The following TOP6BL variants were observed in gnomAD, a reference collection of about 807,000 sequenced individuals.
The protein encoded by TOP6BL is TOP6B like initiator of meiotic double strand breaks.
the TOP6BL span, among the ~76,000 whole-genome samples, chr11:66,799,755 G>C: frequency 2.6e-5 from 4 of 151,340 alleles, no homozygotes; most frequent in African/African-American, 9.7e-5. Context: ...AGGTTCATCC[G>C]TGTCACAAAT....
the TOP6BL span, among the ~76,000 whole-genome samples, chr11:66,795,223 A>G: frequency 1.3e-5 from 2 of 152,060 alleles, no homozygotes; most frequent in African/African-American, 4.8e-5. Flanking sequence ...TAGCAACTGC[A>G]CAACACTTGT....
chr11:66,824,850 T>C, the TOP6BL span, among the ~76,000 whole-genome samples: 2 of 152,060 alleles, frequency 1.3e-5, no homozygotes, highest in African/African-American at 4.8e-5. Context: ...CTATCATTGT[T>C]GGATATTTGG....
the TOP6BL span, among the ~76,000 whole-genome samples, chr11:66,825,783 G>C: frequency 5.9e-5 from 9 of 151,730 alleles, no homozygotes; most frequent in Non-Finnish European, 1.3e-4. Context: ...CTTCCTTTAG[G>C]AATGTGTGCT....
chr11:66,796,708 A>G, the TOP6BL span, among the ~76,000 whole-genome samples: 22 of 151,176 alleles, frequency 1.5e-4, no homozygotes, highest in African/African-American at 5.1e-4. Flanking sequence ...GCTTGAGCCC[A>G]GGAGGTTGAG....
At chr11:66,801,187 A>G in the TOP6BL span, 3 of 1,426,106 alleles carry the variant, frequency 2.1e-6, no homozygotes, top group South Asian at 2.4e-5. Flanking sequence ...AAATTGTCTC[A>G]CTTGTCATTT....
At chr11:66,836,769 C>T in the TOP6BL span, among the ~76,000 whole-genome samples, 1 of 140,424 alleles carries the variant, frequency 7.1e-6, no homozygotes, top group Admixed American at 7.4e-5. Flanking sequence ...GGAGCATTCT[C>T]AGCTCACTGC....
chr11:66,750,570 G>A, the TOP6BL span, among the ~76,000 whole-genome samples: 2 of 151,126 alleles, frequency 1.3e-5, no homozygotes, highest in Non-Finnish European at 2.9e-5. Flanking sequence ...CAAAAAACCC[G>A]ACAGTACCCT....
the TOP6BL span, among the ~76,000 whole-genome samples, chr11:66,809,261 G>A: frequency 3.3e-5 from 5 of 152,168 alleles, no homozygotes; most frequent in African/African-American, 1.2e-4. Flanking sequence ...AAATCAGTCA[G>A]GAGGACAAAT....
At chr11:66,768,357 G>A in the TOP6BL span, among the ~76,000 whole-genome samples, 1 of 151,720 alleles carries the variant, frequency 6.6e-6, no homozygotes, top group South Asian at 2.1e-4. Flanking sequence ...TTTATCTAAC[G>A]CTTTTTCCCC....
the TOP6BL span, among the ~76,000 whole-genome samples, chr11:66,749,415 AT>A: frequency 6.6e-6 from 1 of 152,110 alleles, no homozygotes; most frequent in Non-Finnish European, 1.5e-5. Flanking sequence ...AGCAAGGTTG[AT>A]TTAATTCAAA....
At chr11:66,824,420 TTTATTATTATTATTA>T in the TOP6BL span, among the ~76,000 whole-genome samples, 396 of 140,748 alleles carry the variant, frequency 2.8e-3, 1 homozygote, top group Middle Eastern at 0.025. Context: ...TAATTTTGTA[TTTATTATTATTATTA>T]TTATTATTAT....
chr11:66,750,630 A>G, the TOP6BL span, among the ~76,000 whole-genome samples: 8 of 151,858 alleles, frequency 5.3e-5, no homozygotes, highest in Non-Finnish European at 1.0e-4. Flanking sequence ...CCTAGAGGCT[A>G]ATACTTTTAA....
chr11:66,779,986 A>C, the TOP6BL span, among the ~76,000 whole-genome samples: 1 of 130,252 alleles, frequency 7.7e-6, no homozygotes, highest in Non-Finnish European at 1.6e-5. Flanking sequence ...CAGGAAGGGG[A>C]ACATCACACA....
the TOP6BL span, among the ~76,000 whole-genome samples, chr11:66,755,865 C>T: frequency 6.6e-6 from 1 of 152,186 alleles, no homozygotes; most frequent in Non-Finnish European, 1.5e-5. Context: ...CTGTATTTCT[C>T]TCTTTCTTCA....
the TOP6BL span, among the ~76,000 whole-genome samples, chr11:66,757,304 C>G: frequency 2.0e-5 from 3 of 152,048 alleles, no homozygotes; most frequent in African/African-American, 7.2e-5. Context: ...GATTGTGCCA[C>G]TTCACTCCAG....
At chr11:66,801,750 C>T in the TOP6BL span, among the ~76,000 whole-genome samples, 1 of 152,262 alleles carries the variant, frequency 6.6e-6, no homozygotes, top group Admixed American at 6.5e-5. Context: ...GCATGAGAAT[C>T]ACTTGAACCC....
the TOP6BL span, chr11:66,788,086 A>T: frequency 9.5e-7 from 1 of 1,056,802 alleles, no homozygotes; most frequent in Non-Finnish European, 1.5e-6. Context: ...TCACCAGTTT[A>T]ATAAACAAAT....
At chr11:66,752,854 C>T in the TOP6BL span, among the ~76,000 whole-genome samples, 6 of 152,248 alleles carry the variant, frequency 3.9e-5, no homozygotes, top group Non-Finnish European at 5.9e-5. Flanking sequence ...CTTGGCCAGG[C>T]GCGGTGGCTC....
chr11:66,788,067 C>T, the TOP6BL span: 1 of 833,590 alleles, frequency 1.2e-6, no homozygotes, highest in African/African-American at 1.7e-5. Context: ...AGGGAAAAGC[C>T]TTCTTGGCTC....
Sources: allele counts gnomAD v4.1 joint callset (sites outside exome capture counted in the v4.1 genomes callset), GRCh38; gene constraint gnomAD v4.1.1; transcripts MANE v1.5; gene names NCBI Gene and HGNC (gene_info 2026-07-23, HGNC 2026-07-21).